The following CHL1 variants were observed in gnomAD, a reference collection of about 807,000 sequenced individuals.
CHL1 encodes the protein neural cell adhesion molecule L1-like protein.
In CHL1, 96 loss-of-function variants were observed where a neutral mutation model predicts 141.9. The ratio of observed to expected loss-of-function variants is 0.68; its 90% CI spans 0.57 to 0.80. CHL1 has a LOEUF of 0.80. CHL1 is among the 30% of genes least tolerant of loss of function. CHL1 has a pLI of 0.00. For missense variants in CHL1, 1,820 were observed against 1,457.2 expected, an observed-to-expected ratio of 1.25 and a Z score of -4.05; for synonymous variants, 613 against 502.2, an observed-to-expected ratio of 1.22 and a Z score of -2.95.
intron 11 of CHL1, among the ~76,000 whole-genome samples, chr3:356,195 G>C (rs187397734): frequency 2.4e-4 from 37 of 152,294 alleles, no homozygotes; most frequent in African/African-American, 7.0e-4. Context: ...GTTTTGGGTA[G>C]ACGAAGGGAA....
At position 328,302 on chromosome 3, in the gene CHL1, T is replaced by C; in HGVS notation, c.333T>C (p.Ala111=). ...TTCAAGGGAAATACCGCTGCTTTGC[T>C]TCAAATAAACTGGGAATCGCTATGT... is the stretch of plus-strand genomic sequence containing the variant. ...SHFQGKYRCF[A]SNKLGIAMSE... is the part of the protein sequence containing the mutation. The change falls in exon 5 of 28, where the codon GCT becomes GCC. Residue 111 remains alanine, a synonymous_variant. Transcript: ENST00000256509. 1 of 1,612,356 alleles carries C rather than the reference T, an allele frequency of 6.2e-7. No homozygotes were observed. Among genetic ancestry groups the C allele is most frequent in the Middle Eastern group, 1.7e-4 (1 of 6,050 alleles).
At position 218,178 on chromosome 3, in the gene CHL1, G is replaced by A. The variant is rs371688994; in HGVS notation, c.-175+21115G>A. Among the ~76,000 whole-genome samples the A allele has an allele frequency of 4.6e-3, 703 of 152,286 alleles. 2 individuals carry two copies. The highest frequency in any genetic ancestry group is 0.034 in the Middle Eastern group (10 of 294). ...CAGAGTGATTGGGTGATTTCCAAAA[G>A]ACCTCAGGGCTGGGATGGGTGAAAT... On this transcript the variant is annotated intron_variant, in intron 1 of 27. Coordinates refer to ENST00000256509, the MANE Select transcript of CHL1 (RefSeq NM_006614.4).
chr3:204,778 G>T (rs1371058922), intron 1 of CHL1, among the ~76,000 whole-genome samples: 3 of 136,758 alleles, frequency 2.2e-5, no homozygotes, highest in Non-Finnish European at 4.7e-5. Flanking sequence ...CCTTTCAGAA[G>T]ATTGCCTCTG....
At chr3:394,607 C>G (rs561254912) in intron 23 of CHL1, 86 bp from the exon 24 acceptor site, 278 of 964,652 alleles carry the variant, frequency 2.9e-4, no homozygotes, top group Non-Finnish European at 4.0e-4. Flanking sequence ...TTACGTACCA[C>G]AAGCATAAGG....
At chr3:368,350 C>T (rs985897650) in intron 15 of CHL1, among the ~76,000 whole-genome samples, 1 of 152,036 alleles carries the variant, frequency 6.6e-6, no homozygotes, top group Non-Finnish European at 1.5e-5. Flanking sequence ...GATGATCGGT[C>T]ATGTTGAGCT....
At chr3:236,111 C>G (rs1691954949) in intron 1 of CHL1, among the ~76,000 whole-genome samples, 1 of 152,148 alleles carries the variant, frequency 6.6e-6, no homozygotes, top group Admixed American at 6.6e-5. Flanking sequence ...CCTTGTGTGG[C>G]AGCATTTGGT....
intron 26 of CHL1, 72 bp downstream of exon 26, chr3:399,220 C>CT: frequency 1.5e-6 from 2 of 1,327,948 alleles, no homozygotes; most frequent in African/African-American, 1.5e-5. Context: ...TCAGAGACAA[C>CT]TTTTTTTAAA....
At chr3:383,789 A>T (rs774612010) in intron 18 of CHL1, 27 bp from the exon 19 acceptor site, 1 of 1,571,300 alleles carries the variant, frequency 6.4e-7, no homozygotes, top group South Asian at 1.1e-5. Flanking sequence ...AAAAGGAAAA[A>T]TAATGTTAAT....
intron 1 of CHL1, among the ~76,000 whole-genome samples, chr3:237,904 C>G (rs997580773): frequency 3.9e-5 from 6 of 152,124 alleles, no homozygotes; most frequent in Non-Finnish European, 7.3e-5. Flanking sequence ...ATTTAGAATG[C>G]TCTTTCAGAA....
At chr3:197,500 A>G (rs1698437710) in intron 1 of CHL1, 2 of 190,058 alleles carry the variant, frequency 1.1e-5, no homozygotes, top group East Asian at 1.4e-4. Flanking sequence ...TCTGGGGGTC[A>G]GTCCCGGCCT....
chr3:274,125 G>GTA (rs1695878492), intron 2 of CHL1, among the ~76,000 whole-genome samples: 1 of 152,162 alleles, frequency 6.6e-6, no homozygotes, highest in South Asian at 2.1e-4. Context: ...GAATTTGCAT[G>GTA]TACTCATTTG....
Position 239,885 on chromosome 3 carries a change from C to A in CHL1, c.-174-4728C>A, listed in dbSNP as rs965941785. The stretch of plus-strand genomic sequence containing the variant: ...CCTCAGTTACTTCACTTAGAATAAT[C>A]GTCTCCAGCTCCATCCAGGGTGCTG... On this transcript the variant is annotated intron_variant, in intron 1 of 27. Transcript: ENST00000256509. 4.6e-5 allele frequency among the ~76,000 whole-genome samples: 7 copies of A among 152,056 alleles called. 1 individual carries two copies. Among genetic ancestry groups the A allele is most frequent in the African/African-American group, 1.7e-4 (7 of 41,404 alleles).
chr3:260,229 A>C (rs113349535), intron 2 of CHL1, among the ~76,000 whole-genome samples: 8,264 of 152,106 alleles, frequency 0.054, 713 homozygotes, highest in African/African-American at 0.19. Flanking sequence ...GTGCCACTGC[A>C]CTCCAGACTG....
At chr3:245,903 A>G (rs896612579) in intron 2 of CHL1, among the ~76,000 whole-genome samples, 2 of 152,112 alleles carry the variant, frequency 1.3e-5, no homozygotes, top group Non-Finnish European at 2.9e-5. Context: ...CACTATTTTT[A>G]GATCTTCACT....
At chr3:221,979 T>A (rs1700885004) in intron 1 of CHL1, among the ~76,000 whole-genome samples, 2 of 152,244 alleles carry the variant, frequency 1.3e-5, no homozygotes, top group Admixed American at 1.3e-4. Flanking sequence ...GAATATAATA[T>A]CACTTCATCT....
rs1702603829 is a variant in CHL1 at position 344,572 on chromosome 3, T to C, written c.728-17T>C. 1 of 1,593,088 alleles carries C rather than the reference T, an allele frequency of 6.3e-7. No individual in the cohort carries two copies. Among genetic ancestry groups the C allele is most frequent in the Admixed American group, 1.8e-5 (1 of 54,626 alleles). ...ATTAATTTGAAAAAATTCTGACTTT[T>C]CTTTTCTATTTTGTAGCAAATTCCA... On this transcript the variant is annotated splice_polypyrimidine_tract_variant and intron_variant, in intron 8 of 27. Transcript: ENST00000256509.
chr3:321,678 G>C (rs1423060313), intron 3 of CHL1, among the ~76,000 whole-genome samples: 3 of 151,920 alleles, frequency 2.0e-5, no homozygotes, highest in Non-Finnish European at 2.9e-5. Context: ...TTTTATTCTG[G>C]TTGTCTCAGT....
chr3:342,170 G>A, intron 7 of CHL1, 88 bp downstream of exon 7: 1 of 1,265,570 alleles, frequency 7.9e-7, no homozygotes. Context: ...TTTAAAGCTG[G>A]GTTGATATTT....
intron 15 of CHL1, among the ~76,000 whole-genome samples, chr3:370,577 G>T (rs560420940): frequency 6.9e-6 from 1 of 144,520 alleles, no homozygotes; most frequent in Non-Finnish European, 1.5e-5. Flanking sequence ...TTATTTTTTT[G>T]GAGGGTTTTT....
Sources: gnomAD v4.1 joint callset for allele counts (sites outside exome capture counted in the v4.1 genomes callset) on GRCh38, gnomAD v4.1.1 for gene constraint, MANE v1.5 for transcripts, NCBI Gene and HGNC (gene_info 2026-07-23, HGNC 2026-07-21) for gene names.